The following MYO1D variants were observed in gnomAD, a reference collection of about 807,000 sequenced individuals.
MYO1D encodes myosin ID.
MYO1D carries 83 observed loss-of-function variants against 122.0 expected under a neutral mutation model. That is an observed-to-expected ratio of 0.68 (90% CI 0.57 to 0.82). The LOEUF (loss-of-function observed/expected upper bound fraction) is 0.82, where lower values mean the gene tolerates loss of function less well. Among genes scored for constraint, MYO1D ranks in the 40% least tolerant of loss-of-function variants. MYO1D has a pLI of 0.00. For synonymous variants in MYO1D, 464 were observed against 446.9 expected (o/e 1.04, Z -0.48); for missense variants, 1,157 against 1,269.5 (o/e 0.91, Z 1.35).
intron 1 of MYO1D, among the ~76,000 whole-genome samples, chr17:32,854,736 T>C (rs1041616709): frequency 1.3e-5 from 2 of 152,090 alleles, no homozygotes; most frequent in Non-Finnish European, 2.9e-5. Context: ...AAAATAAAAT[T>C]AGAAAGTGAT....
At chr17:32,588,468 A>G (rs1597914197) in intron 21 of MYO1D, among the ~76,000 whole-genome samples, 3 of 152,242 alleles carry the variant, frequency 2.0e-5, no homozygotes, top group Admixed American at 2.0e-4. Flanking sequence ...CTTAATAAAA[A>G]GACTAAACCA....
At chr17:32,876,561 C>A (rs2091232896) in intron 1 of MYO1D, among the ~76,000 whole-genome samples, 1 of 152,126 alleles carries the variant, frequency 6.6e-6, no homozygotes, top group African/African-American at 2.4e-5. Flanking sequence ...GAGCTCGACA[C>A]GCCCCCCGCA....
At chr17:32,572,966 T>C (rs1264545476) in intron 21 of MYO1D, among the ~76,000 whole-genome samples, 1 of 152,114 alleles carries the variant, frequency 6.6e-6, no homozygotes, top group Admixed American at 6.5e-5. Context: ...TTGTTTGTAC[T>C]TTCTTAGCGT....
At chr17:32,801,617 A>T (rs547717530) in intron 1 of MYO1D, among the ~76,000 whole-genome samples, 11 of 152,354 alleles carry the variant, frequency 7.2e-5, no homozygotes, top group African/African-American at 2.6e-4. Flanking sequence ...GGTTAAAATA[A>T]ACCCCATGGT....
At chr17:32,532,443 AG>A (rs1292648938) in intron 21 of MYO1D, among the ~76,000 whole-genome samples, 1 of 152,182 alleles carries the variant, frequency 6.6e-6, no homozygotes, top group Admixed American at 6.5e-5. Flanking sequence ...AAGTAGAAGA[AG>A]GGGCCGGACA....
chr17:32,645,577 T>C (rs1260970859), intron 19 of MYO1D, among the ~76,000 whole-genome samples: 1 of 152,172 alleles, frequency 6.6e-6, no homozygotes, highest in African/African-American at 2.4e-5. Flanking sequence ...CACAGTCCCA[T>C]ATTTCTTGGA....
intron 1 of MYO1D, among the ~76,000 whole-genome samples, chr17:32,815,926 A>G (rs2090609937): frequency 6.6e-6 from 1 of 152,236 alleles, no homozygotes; most frequent in Admixed American, 6.5e-5. Context: ...AATAACTGAG[A>G]ATCAAGAGGA....
intron 21 of MYO1D, among the ~76,000 whole-genome samples, chr17:32,500,277 C>A (rs1473360551): frequency 6.6e-6 from 1 of 152,226 alleles, no homozygotes; most frequent in African/African-American, 2.4e-5. Flanking sequence ...CAACTTCGCA[C>A]ACTCACTGCA....
intron 21 of MYO1D, among the ~76,000 whole-genome samples, chr17:32,524,341 G>A (rs932923904): frequency 3.3e-5 from 5 of 152,248 alleles, no homozygotes; most frequent in African/African-American, 1.2e-4. Flanking sequence ...AACACTCTCT[G>A]CGCTAACAAG....
At chr17:32,593,649 A>G (rs1461959993) in intron 21 of MYO1D, among the ~76,000 whole-genome samples, 1 of 152,240 alleles carries the variant, frequency 6.6e-6, no homozygotes, top group Non-Finnish European at 1.5e-5. Flanking sequence ...GAAAAGTTAT[A>G]TATATTGGCT....
At chr17:32,667,071 A>G (rs905442067) in intron 16 of MYO1D, among the ~76,000 whole-genome samples, 8 of 152,234 alleles carry the variant, frequency 5.3e-5, no homozygotes, top group African/African-American at 1.9e-4. Flanking sequence ...GGTTGTTAAA[A>G]AGTTGTGGTA....
intron 13 of MYO1D, among the ~76,000 whole-genome samples, chr17:32,742,218 T>C (rs1455197198): frequency 6.6e-6 from 1 of 152,136 alleles, no homozygotes; most frequent in African/African-American, 2.4e-5. Flanking sequence ...AGGTTATATG[T>C]AAATACTACA....
chr17:32,787,174 T>C (rs2090305553), intron 1 of MYO1D, among the ~76,000 whole-genome samples: 1 of 152,016 alleles, frequency 6.6e-6, no homozygotes, highest in South Asian at 2.1e-4. Context: ...AAGGTCATAT[T>C]AAAAGACATA....
intron 1 of MYO1D, among the ~76,000 whole-genome samples, chr17:32,806,723 C>G (rs541281245): frequency 6.6e-6 from 1 of 152,150 alleles, no homozygotes; most frequent in Admixed American, 6.5e-5. Flanking sequence ...ATAAATCTTC[C>G]GAGTAAGGAT....
chr17:32,632,289 T>C (rs957169929), intron 20 of MYO1D: 8 of 152,176 alleles, frequency 5.3e-5, no homozygotes, highest in African/African-American at 1.7e-4. Flanking sequence ...GGGCTGAATA[T>C]GGCCTATAGA....
intron 12 of MYO1D, among the ~76,000 whole-genome samples, chr17:32,747,114 G>T (rs1020948266): frequency 2.6e-5 from 4 of 152,098 alleles, no homozygotes; most frequent in Non-Finnish European, 5.9e-5. Flanking sequence ...ATCACTAATG[G>T]TTAGTTTGAC....
chr17:32,655,171 T>C (rs926568401), intron 17 of MYO1D, among the ~76,000 whole-genome samples: 5 of 152,244 alleles, frequency 3.3e-5, no homozygotes, highest in African/African-American at 1.2e-4. Context: ...AACTTAGTGA[T>C]ACATGGGCTC....
At chr17:32,681,084 G>A (rs1185402934) in intron 16 of MYO1D, among the ~76,000 whole-genome samples, 1 of 152,046 alleles carries the variant, frequency 6.6e-6, no homozygotes, top group Admixed American at 6.5e-5. Flanking sequence ...ATTTCTGTGG[G>A]ATTGGTGGTG....
intron 21 of MYO1D, among the ~76,000 whole-genome samples, chr17:32,596,774 G>T (rs1410222870): frequency 6.6e-6 from 1 of 152,254 alleles, no homozygotes; most frequent in East Asian, 1.9e-4. Context: ...ACAGGCAAAT[G>T]CCTGGACAGC....
Sources: gnomAD v4.1 joint callset for allele counts (sites outside exome capture counted in the v4.1 genomes callset) on GRCh38, gnomAD v4.1.1 for gene constraint, MANE v1.5 for transcripts, NCBI Gene and HGNC (gene_info 2026-07-23, HGNC 2026-07-21) for gene names.